KCNK10: variants seen among roughly 807,000 people sequenced by gnomAD.
KCNK10 encodes the protein potassium channel subfamily K member 10.
Under a neutral mutation model 47.7 loss-of-function variants are expected in KCNK10, and 25 were observed. The observed-to-expected ratio is 0.52, with a 90% CI of 0.38 to 0.73. The LOEUF (loss-of-function observed/expected upper bound fraction) is 0.73. KCNK10 is among the 30% of genes least tolerant of loss of function. KCNK10 has a pLI of 0.00. For synonymous variants in KCNK10, 303 were observed against 285.6 expected (o/e 1.06, Z -0.61); for missense variants, 563 against 714.5 (o/e 0.79, Z 2.42).
chr14:88,322,850 A>G lies in KCNK10; in HGVS notation c.-52T>C. 1 of 1,613,602 alleles carries G rather than the reference A, an allele frequency of 6.2e-7. No individual in the cohort carries two copies. Among genetic ancestry groups the G allele is most frequent in the Non-Finnish European group, 8.5e-7 (1 of 1,179,716 alleles). ...ATGAAAAGAACCCAAATAATAATAA[A>G]GTCCTCAAGCTTTACACGCCTCGGT... On this transcript the variant is annotated 5_prime_UTR_variant, in exon 1 of 7. Coordinates refer to ENST00000319231, the MANE Select transcript of KCNK10 (RefSeq NM_138317.3). This position sits in a 1 kb window ranked among gnomAD's most constrained non-coding sequence, Gnocchi z 4.8.
chr14:88,199,453 C>G (rs1397019733), intron 4 of KCNK10, among the ~76,000 whole-genome samples: 3 of 152,246 alleles, frequency 2.0e-5, no homozygotes, highest in African/African-American at 7.2e-5. Flanking sequence ...ATTGGGACAG[C>G]CATTAAGGAA....
chr14:88,282,475 A>G (rs1377054131), intron 1 of KCNK10, among the ~76,000 whole-genome samples: 1 of 152,216 alleles, frequency 6.6e-6, no homozygotes, highest in Non-Finnish European at 1.5e-5. Flanking sequence ...GGCATTCAGG[A>G]CTGCATTTAG....
intron 1 of KCNK10, among the ~76,000 whole-genome samples, chr14:88,284,621 GAA>G (rs1007773715): frequency 3.7e-4 from 57 of 152,290 alleles, no homozygotes; most frequent in African/African-American, 1.2e-3. Context: ...CAGCACGGGA[GAA>G]AGATGAAAGC....
chr14:88,314,427 G>A (rs746943258), intron 1 of KCNK10, among the ~76,000 whole-genome samples: 2 of 152,170 alleles, frequency 1.3e-5, no homozygotes, highest in Non-Finnish European at 2.9e-5. Context: ...AATTTCTGTT[G>A]TCTATAATCT....
In KCNK10 at chr14:88,280,191, G is replaced by T. The variant is rs576176410; in HGVS notation, c.53-16640C>A. On this transcript the variant is annotated intron_variant, in intron 1 of 6. Coordinates refer to ENST00000319231, the MANE Select transcript of KCNK10 (RefSeq NM_138317.3). ...AACGATCTCTGCTACCGACACAGGG[G>T]ACACCAACACGGCCACACATCACTT... Among the ~76,000 whole-genome samples the T allele has an allele frequency of 5.3e-5, 8 of 152,222 alleles. No homozygotes were observed. The South Asian group carries it at 1.7e-3, about 32-fold the overall frequency.
chr14:88,256,050 C>G (rs1886945916), intron 2 of KCNK10, among the ~76,000 whole-genome samples: 1 of 152,190 alleles, frequency 6.6e-6, no homozygotes, highest in African/African-American at 2.4e-5. Flanking sequence ...TCCCTCACAT[C>G]TCAGGGGTAA....
chr14:88,280,036 CCTT>C (rs1887615298), intron 1 of KCNK10, among the ~76,000 whole-genome samples: 1 of 152,192 alleles, frequency 6.6e-6, no homozygotes, highest in Non-Finnish European at 1.5e-5. Context: ...TTAAACCTCT[CCTT>C]CCCGGTCTTG....
Position 88,185,575 on chromosome 14 carries a change from C to T in KCNK10, c.1592G>A (p.Arg531Gln), listed in dbSNP as rs61747260. 2,130 of 1,613,938 alleles carry T rather than the reference C, an allele frequency of 1.3e-3. 18 individuals carry two copies. Among genetic ancestry groups the T allele is most frequent in the Middle Eastern group, 2.3e-3 (14 of 6,058 alleles). ...NGMIPTDTKD[R>Q]EPENNSLLED... Reference sequence around the variant, plus strand: ...AAGTAATGAGTTGTTCTCCGGCTCCCGGTCTTTGGTGTCCGTGGGTATCAT... The same window carrying T: ...AAGTAATGAGTTGTTCTCCGGCTCCTGGTCTTTGGTGTCCGTGGGTATCAT... Residue 531 changes from arginine (R) to glutamine (Q), a missense_variant, in exon 7 of 7, where the codon CGG becomes CAG. Transcript: ENST00000319231. The surrounding 1 kb of genome is among the most constrained non-coding windows in gnomAD (Gnocchi z 4.3).
intron 4 of KCNK10, among the ~76,000 whole-genome samples, chr14:88,199,648 G>T (rs1042323484): frequency 6.6e-6 from 1 of 152,174 alleles, no homozygotes; most frequent in East Asian, 1.9e-4. Context: ...CCATCTCTTA[G>T]CTATGCAGCT....
intron 4 of KCNK10, among the ~76,000 whole-genome samples, chr14:88,192,660 AT>A (rs1386977193): frequency 1.3e-5 from 2 of 152,234 alleles, no homozygotes; most frequent in African/African-American, 2.4e-5. Context: ...AAACAAAAAA[AT>A]CCTGCTTAGC....
intron 1 of KCNK10, among the ~76,000 whole-genome samples, chr14:88,315,578 A>C (rs1888413670): frequency 6.6e-6 from 1 of 152,084 alleles, no homozygotes; most frequent in South Asian, 2.1e-4. Context: ...TTGGTGTGTG[A>C]TTATTTAGGG....
intron 1 of KCNK10, among the ~76,000 whole-genome samples, chr14:88,298,612 GC>G (rs1888034703): frequency 6.6e-6 from 1 of 152,058 alleles, no homozygotes; most frequent in Non-Finnish European, 1.5e-5. Context: ...CTCCTCCAGT[GC>G]CCCCCTAGCC....
At chr14:88,323,433 GC>G (rs565876401), upstream of KCNK10, among the ~76,000 whole-genome samples, 8 of 143,292 alleles carry the variant, frequency 5.6e-5, no homozygotes, top group South Asian at 1.8e-3. Context: ...GACCCTCCCC[GC>G]GGCGCGCCCC....
intron 4 of KCNK10, among the ~76,000 whole-genome samples, chr14:88,226,129 C>T (rs1226481796): frequency 6.6e-6 from 1 of 152,230 alleles, no homozygotes; most frequent in Non-Finnish European, 1.5e-5. Context: ...CTTTTCCACA[C>T]ATCATTTCAT....
At chr14:88,189,395 C>G (rs1237476186) in intron 5 of KCNK10, among the ~76,000 whole-genome samples, 2 of 152,306 alleles carry the variant, frequency 1.3e-5, no homozygotes, top group African/African-American at 4.8e-5. Flanking sequence ...AGTTCCCGCA[C>G]CAGTAAGTGG....
rs1887070024 is a variant in KCNK10, at chr14:88,260,116, T to C, written c.402+3086A>G. ...CACCACCACGCCTGGCTAATTTTTG[T>C]ATTTTAGGTAGAGATGGGGTTTCAC... On this transcript the variant is annotated intron_variant, in intron 2 of 6. Transcript: ENST00000319231. The surrounding 1 kb of genome is among the most constrained non-coding windows in gnomAD (Gnocchi z 4.5). Among the ~76,000 whole-genome samples the C allele has an allele frequency of 6.6e-6, 1 of 152,138 alleles. No individual in the cohort carries two copies. Among genetic ancestry groups the C allele is most frequent in the South Asian group, 2.1e-4 (1 of 4,820 alleles).
chr14:88,242,933 A>G (rs1886523775), intron 2 of KCNK10, among the ~76,000 whole-genome samples: 3 of 152,164 alleles, frequency 2.0e-5, no homozygotes, highest in Admixed American at 6.5e-5. Flanking sequence ...TACAACTCCT[A>G]TCAAGCTGTG....
chr14:88,287,553 C>T (rs372755986), intron 1 of KCNK10, among the ~76,000 whole-genome samples: 4 of 152,184 alleles, frequency 2.6e-5, no homozygotes, highest in Non-Finnish European at 4.4e-5. Context: ...TAAGTAAGAA[C>T]ACACAATGTT....
chr14:88,274,549 T>TAA (rs3994047), intron 1 of KCNK10, among the ~76,000 whole-genome samples: 8 of 40,504 alleles, frequency 2.0e-4, no homozygotes, highest in Admixed American at 9.0e-4. Context: ...AGACTCTATC[T>TAA]AAAAAAAAAA....
Sources: allele counts gnomAD v4.1 joint callset (sites outside exome capture counted in the v4.1 genomes callset), GRCh38; gene constraint gnomAD v4.1.1; non-coding constraint Gnocchi (gnomAD v3.1); transcripts MANE v1.5; gene names NCBI Gene and HGNC (gene_info 2026-07-23, HGNC 2026-07-21).